The following BIK variants were observed in gnomAD, a reference collection of about 807,000 sequenced individuals.
The protein encoded by BIK is BCL2 interacting killer.
In BIK, 14 loss-of-function variants were observed where a neutral mutation model predicts 12.1. That is an observed-to-expected ratio of 1.16 (90% CI 0.77 to 1.81). The LOEUF (loss-of-function observed/expected upper bound fraction) is 1.81, where lower values mean the gene tolerates loss of function less well. BIK is among the 40% of genes most tolerant of loss of function. The pLI is 0.00. For synonymous variants in BIK, 86 were observed against 92.3 expected, an observed-to-expected ratio of 0.93 and a Z score of 0.39; for missense variants, 215 against 207.9, an observed-to-expected ratio of 1.03 and a Z score of -0.21.
At chr22:43,123,686 G>C (rs1930259093) in intron 1 of BIK, among the ~76,000 whole-genome samples, 1 of 152,202 alleles carries the variant, frequency 6.6e-6, no homozygotes, top group Non-Finnish European at 1.5e-5. Flanking sequence ...AGGAGGCAGA[G>C]GTTGCAGTGA....
rs769719664 is a variant in BIK at position 43,127,657 on chromosome 22, C to T, written c.162-40C>T. 2.6e-5 allele frequency: 39 copies of T among 1,521,800 alleles called. No individual in the cohort carries two copies. The African/African-American group carries it at 2.8e-4, about 11-fold the overall frequency. 94.3% of individuals were successfully genotyped at this position (1,521,800 alleles called of 1,614,324 possible). On this transcript the variant is annotated intron_variant, in intron 2 of 4. Transcript: ENST00000216115. ...TGGGTCCAGGTGCATGTGGCCTCCA[C>T]GGCACAGCCACACCCGACTCCTGTG...
chr22:43,112,584 T>G (rs796655291), intron 1 of BIK, among the ~76,000 whole-genome samples: 1 of 151,300 alleles, frequency 6.6e-6, no homozygotes, highest in Admixed American at 6.6e-5. Flanking sequence ...TTTTTTTTTT[T>G]AATTGTCTTA....
At chr22:43,117,802 C>G (rs970320668) in intron 1 of BIK, among the ~76,000 whole-genome samples, 1 of 151,706 alleles carries the variant, frequency 6.6e-6, no homozygotes, top group Non-Finnish European at 1.5e-5. Context: ...ACCCGAGTAG[C>G]TGGATTACAG....
In BIK at chr22:43,124,142, C is replaced by G; in HGVS notation, c.120C>G (p.Asp40Glu). The G allele has an allele frequency of 6.2e-7, 1 of 1,614,156 alleles. No individual in the cohort carries two copies. ...LGMTDSEEDL[D>E]PMEDFDSLEC... ...TGACTGACTCTGAAGAGGACCTGGA[C>G]CCTATGGAGGACTTCGATTCTTTGG... The change falls in exon 2 of 5, where the codon GAC becomes GAG. Residue 40 changes from aspartate to glutamate, a missense_variant. Coordinates refer to ENST00000216115, the MANE Select transcript of BIK (RefSeq NM_001197.5).
intron 1 of BIK, among the ~76,000 whole-genome samples, chr22:43,118,910 A>G (rs1263274850): frequency 1.3e-5 from 2 of 151,914 alleles, no homozygotes; most frequent in African/African-American, 4.8e-5. Flanking sequence ...AGCAGAACAC[A>G]TCTCTACTTG....
chr22:43,117,727 A>G (rs1473180491), intron 1 of BIK, among the ~76,000 whole-genome samples: 1 of 137,078 alleles, frequency 7.3e-6, no homozygotes, highest in Non-Finnish European at 1.6e-5. Flanking sequence ...TTGGAGTGTA[A>G]TGGTGTGATC....
chr22:43,123,255 CCTTT>C (rs1930251556), intron 1 of BIK, among the ~76,000 whole-genome samples: 1 of 152,062 alleles, frequency 6.6e-6, no homozygotes, highest in South Asian at 2.1e-4. Flanking sequence ...TGCCTCTCTG[CCTTT>C]CTTCTCAAGA....
chr22:43,112,301 C>T (rs1044648060), intron 1 of BIK, among the ~76,000 whole-genome samples: 1 of 152,112 alleles, frequency 6.6e-6, no homozygotes, highest in Non-Finnish European at 1.5e-5. Context: ...TGGGTTCAAA[C>T]GGTTCTCCTG....
At chr22:43,118,863 C>T (rs1267944252) in intron 1 of BIK, among the ~76,000 whole-genome samples, 1 of 152,098 alleles carries the variant, frequency 6.6e-6, no homozygotes, top group Admixed American at 6.6e-5. Flanking sequence ...CTCTGACACT[C>T]CTGCAGCCTC....
intron 1 of BIK, among the ~76,000 whole-genome samples, chr22:43,111,054 C>G (rs972186962): frequency 6.6e-6 from 1 of 152,016 alleles, no homozygotes; most frequent in African/African-American, 2.4e-5. Context: ...CCTCAGTCTC[C>G]GCGCCTGTGC....
chr22:43,129,311 C>A lies in BIK; in HGVS notation c.*6C>A. The stretch of plus-strand genomic sequence containing the variant: ...TGCACCTGCTGCTCAAGTGAGGCCC[C>A]GGCGGCTCAGGGCGGGGCTGGCCCC... On this transcript the variant is annotated 3_prime_UTR_variant, in exon 5 of 5. Transcript: ENST00000216115. 1.3e-6 allele frequency: 2 copies of A among 1,597,820 alleles called. No individual in the cohort carries two copies. The highest frequency in any genetic ancestry group is 1.7e-6 in the Non-Finnish European group (2 of 1,178,562).
rs1930399975 is a variant in BIK, at chr22:43,129,584, T to C, written c.*279T>C. The C allele has an allele frequency of 5.9e-6, 3 of 511,428 alleles. No individual in the cohort carries two copies. The highest frequency in any genetic ancestry group is 6.8e-6 in the Non-Finnish European group (2 of 293,820). 31.7% of individuals were successfully genotyped at this position (511,428 alleles called of 1,614,324 possible). On this transcript the variant is annotated 3_prime_UTR_variant, in exon 5 of 5. Transcript: ENST00000216115. ...AGGAAGAGCCATTCACTCCTGCCCC[T>C]GCCCACACGGCAGGTAGCAGGGGGA...
At chr22:43,115,868 T>G (rs1189557677) in intron 1 of BIK, among the ~76,000 whole-genome samples, 1 of 152,144 alleles carries the variant, frequency 6.6e-6, no homozygotes, top group Admixed American at 6.5e-5. Flanking sequence ...GTGATTCTCC[T>G]GCCTTAGTCT....
In BIK at chr22:43,124,260, A is replaced by C. The variant is rs539568580; in HGVS notation, c.161+77A>C. The C allele has an allele frequency of 1.2e-3, 1,898 of 1,522,170 alleles. 11 individuals carry two copies. The highest frequency in any genetic ancestry group is 4.1e-3 in the Admixed American group (221 of 53,636). The allele number at this position is 1,522,170 out of a possible 1,614,324, so 94.3% of individuals were successfully genotyped here. A position where few individuals can be genotyped will look rare whatever the true frequency, so the allele number is the denominator to read the frequency against. Reference sequence around the variant, plus strand: ...GGGCTGGATGAGCAGACATTCTATGAGCGGGGGAGCGCCTGCAGATGCCTC... The same window carrying C: ...GGGCTGGATGAGCAGACATTCTATGCGCGGGGGAGCGCCTGCAGATGCCTC... On this transcript the variant is annotated intron_variant, in intron 2 of 4. Coordinates refer to ENST00000216115, the MANE Select transcript of BIK (RefSeq NM_001197.5).
At chr22:43,121,472 G>A (rs971079907) in intron 1 of BIK, among the ~76,000 whole-genome samples, 4 of 152,138 alleles carry the variant, frequency 2.6e-5, no homozygotes, top group East Asian at 1.9e-4. Context: ...AAGGATTCTC[G>A]GAATGCCTGC....
chr22:43,127,125 A>G (rs1175691229), intron 2 of BIK, among the ~76,000 whole-genome samples: 1 of 152,096 alleles, frequency 6.6e-6, no homozygotes, highest in South Asian at 2.1e-4. Flanking sequence ...GGTGGGGTGT[A>G]GGATCAAGGA....
intron 1 of BIK, among the ~76,000 whole-genome samples, chr22:43,117,339 A>G (rs1168359963): frequency 6.6e-6 from 1 of 152,040 alleles, no homozygotes; most frequent in Admixed American, 6.6e-5. Context: ...AACTTGAGGA[A>G]ACAAGGTACA....
chr22:43,127,668 C>T (rs1930344147), intron 2 of BIK, 29 bp from the exon 3 acceptor site: 4 of 1,536,284 alleles, frequency 2.6e-6, no homozygotes, highest in Non-Finnish European at 2.6e-6. Context: ...GGCACAGCCA[C>T]ACCCGACTCC....
Position 43,128,640 on chromosome 22 carries a change from A to G in BIK, c.390+15A>G. The G allele has an allele frequency of 6.3e-7, 1 of 1,598,194 alleles. No individual in the cohort carries two copies. The highest frequency in any genetic ancestry group is 1.1e-5 in the South Asian group (1 of 89,284). ...CCGGGTCCTGGGTAAGAGCCTTGAG[A>G]TCCCTGACCCTGACTTGCGCTGCGG... On this transcript the variant is annotated intron_variant, in intron 4 of 4. Transcript: ENST00000216115.
Sources: gnomAD v4.1 joint callset for allele counts (sites outside exome capture counted in the v4.1 genomes callset) on GRCh38, gnomAD v4.1.1 for gene constraint, MANE v1.5 for transcripts, NCBI Gene and HGNC (gene_info 2026-07-23, HGNC 2026-07-21) for gene names.